LRRC71: variants seen among roughly 807,000 people sequenced by gnomAD.
LRRC71 encodes leucine rich repeat containing 71.
A neutral mutation model predicts 66.6 loss-of-function variants in LRRC71; 54 were observed. The observed-to-expected ratio is 0.81, with a 90% CI of 0.65 to 1.02. The LOEUF (loss-of-function observed/expected upper bound fraction) is 1.02. Ranked by LOEUF, LRRC71 falls within the 50% of genes least tolerant of loss-of-function variation. LRRC71 has a pLI of 0.00. For synonymous variants in LRRC71, 323 were observed against 303.9 expected (o/e 1.06, Z -0.65); for missense variants, 724 against 718.0 (o/e 1.01, Z -0.10).
downstream of LRRC71, chr1:156,936,007 C>T: frequency 6.2e-7 from 1 of 1,613,324 alleles, no homozygotes; most frequent in Non-Finnish European, 8.5e-7. Flanking sequence ...CGGTTATGGT[C>T]CTGGTGACGC....
intron 6 of LRRC71, 87 bp downstream of exon 6, chr1:156,927,357 A>G: frequency 1.3e-6 from 2 of 1,540,674 alleles, no homozygotes; most frequent in Non-Finnish European, 1.8e-6. Flanking sequence ...TTGTCCCCCT[A>G]CCATCTCGGC....
intron 5 of LRRC71, among the ~76,000 whole-genome samples, chr1:156,925,551 C>G (rs1444358485): frequency 6.6e-6 from 1 of 152,152 alleles, no homozygotes; most frequent in Non-Finnish European, 1.5e-5. Context: ...GGAGGTGGTA[C>G]TGAGCTGAAG....
chr1:156,928,120 C>T (rs1248400586), intron 9 of LRRC71, 116 bp downstream of exon 9: 2 of 1,003,028 alleles, frequency 2.0e-6, no homozygotes, highest in Non-Finnish European at 3.0e-6. Flanking sequence ...CACCCTCTGT[C>T]CTGACTGTCT....
At chr1:156,930,091 T>TTC (rs796962240) in intron 11 of LRRC71, among the ~76,000 whole-genome samples, 1,465 of 96,552 alleles carry the variant, frequency 0.015, 46 homozygotes, top group African/African-American at 0.06. Context: ...CTTTCTTTCT[T>TTC]TCTCTCTCTT....
downstream of LRRC71, chr1:156,936,163 T>C (rs1404234192): frequency 8.5e-7 from 1 of 1,170,944 alleles, no homozygotes; most frequent in South Asian, 1.2e-5. Flanking sequence ...CTTCATCACC[T>C]TCCTTCTCCT....
intron 9 of LRRC71, among the ~76,000 whole-genome samples, chr1:156,928,363 C>CTCTCCTTCTTCTTCTTCT (rs1653593934): frequency 1.0e-5 from 1 of 98,784 alleles, no homozygotes; most frequent in African/African-American, 5.3e-5. Context: ...CTTCTTCTTC[C>CTCTCCTTCTTCTTCTTCT]TCTTCTTCTT....
downstream of LRRC71, chr1:156,935,600 T>C (rs769603485): frequency 4.0e-5 from 7 of 174,852 alleles, no homozygotes; most frequent in Non-Finnish European, 7.2e-5. Context: ...TGGGGTCTTA[T>C]GGAGAAAGAG....
rs377202906 is a variant in LRRC71, at chr1:156,929,429, G to C, written c.1146G>C (p.Trp382Cys). ...TGGGCAAGAAAAAGGAGAAATCATG[G>C]GTAGGTGTGCAATGGGACAGATCCT... ...KGLGKKKEKS[W>C]ELAKKEEKLG... The change falls in exon 10 of 15, where the codon TGG becomes TGC. Residue 382 changes from tryptophan (W) to cysteine (C), a missense_variant and splice_region_variant. Transcript: ENST00000337428. 1 of 1,613,704 alleles carries C rather than the reference G, an allele frequency of 6.2e-7. No individual in the cohort carries two copies. The highest frequency in any genetic ancestry group is 1.3e-5 in the African/African-American group (1 of 74,904).
At chr1:156,939,873 C>T in the LRRC71 span, 1 of 1,609,310 alleles carries the variant, frequency 6.2e-7, no homozygotes, top group East Asian at 2.2e-5. Flanking sequence ...TGTGACCTGG[C>T]AGCAGGCTCC....
At chr1:156,937,287 T>C (rs1235441681), downstream of LRRC71, 2 of 1,613,876 alleles carry the variant, frequency 1.2e-6, no homozygotes, top group South Asian at 2.2e-5. Flanking sequence ...TGCTCAATGG[T>C]ATGGAAGATC....
At chr1:156,921,343 G>GC (rs1478940793) in intron 1 of LRRC71, among the ~76,000 whole-genome samples, 1 of 152,200 alleles carries the variant, frequency 6.6e-6, no homozygotes, top group Non-Finnish European at 1.5e-5. Context: ...ACACAGTCCT[G>GC]CCCCCATGGG....
At chr1:156,939,001 C>T in the LRRC71 span, 1 of 183,220 alleles carries the variant, frequency 5.5e-6, no homozygotes, top group Non-Finnish European at 1.1e-5. Context: ...TGTTTCCCAA[C>T]CCGGGGTGCC....
Position 156,930,680 on chromosome 1 carries a change from CGTCTCACCCCAGCCCCTCCTGGAATGTG to C in LRRC71, c.1329+69_1329+96del, listed in dbSNP as rs573024053. 199 of 1,431,770 alleles carry C rather than the reference CGTCTCACCCCAGCCCCTCCTGGAATGTG, an allele frequency of 1.4e-4. No individual in the cohort carries two copies. In the African/African-American group the frequency reaches 2.5e-3, roughly 18 times the overall value. The allele number at this position is 1,431,770 out of a possible 1,614,324, so 88.7% of individuals were successfully genotyped here. A position where few individuals can be genotyped will look rare whatever the true frequency, so the allele number is the denominator to read the frequency against. On this transcript the variant is annotated intron_variant, in intron 12 of 14. Transcript: ENST00000337428. ...CCTGGGATTCCAGGCTTGCCTGAGA[CGTCTCACCCCAGCCCCTCCTGGAATGTG>C]GTCTCCAGCCCCATGCTGTGGCAGC...
intron 1 of LRRC71, 68 bp from the exon 2 acceptor site, chr1:156,923,881 C>T: frequency 7.1e-7 from 1 of 1,405,460 alleles, no homozygotes; most frequent in East Asian, 2.8e-5. Flanking sequence ...CCTCCGCCCG[C>T]GCGGGAGAGC....
downstream of LRRC71, chr1:156,937,255 C>G: frequency 6.2e-7 from 1 of 1,613,820 alleles, no homozygotes; most frequent in Non-Finnish European, 8.5e-7. Flanking sequence ...TCACCTTGAG[C>G]CTGTTGAGCT....
chr1:156,928,363 C>CT lies in LRRC71; in HGVS notation c.996+360dup, dbSNP rs1653584959. On this transcript the variant is annotated intron_variant, in intron 9 of 14. Coordinates refer to ENST00000337428, the MANE Select transcript of LRRC71 (RefSeq NM_144702.3). ...TTCTTCTTTCTTTCTCTTCTTCTTC[C>CT]TCTTCTTCTTCTTCTTCTTCTTCTT... 4.3e-3 allele frequency among the ~76,000 whole-genome samples: 420 copies of CT among 98,808 alleles called. 7 individuals are homozygous for CT. Among genetic ancestry groups the CT allele is most frequent in the African/African-American group, 0.021 (398 of 18,758 alleles). 64.8% of individuals were successfully genotyped at this position (98,808 alleles called of 152,430 possible).
At chr1:156,929,801 G>A (rs1020906418) in intron 11 of LRRC71, 72 bp downstream of exon 11, 22 of 1,293,014 alleles carry the variant, frequency 1.7e-5, no homozygotes, top group Non-Finnish European at 1.3e-5. Flanking sequence ...GGTGCAGGAA[G>A]CTGTTCTGGG....
rs1653911272 is a variant in LRRC71, at chr1:156,929,327, T to A, written c.1044T>A (p.Ser348Arg). 1.2e-6 allele frequency: 2 copies of A among 1,611,480 alleles called. No homozygotes were observed. Among genetic ancestry groups the A allele is most frequent in the Middle Eastern group, 1.7e-4 (1 of 6,060 alleles). ...HGDSKTDREK[S>R]QMVGISNSAL... ...ACTCCAAAACGGACCGTGAGAAGAG[T>A]CAGATGGTAGGGATCAGCAATAGTG... The change falls in exon 10 of 15, where the codon AGT (serine) becomes AGA (arginine). Residue 348 changes from serine to arginine, a missense_variant. Transcript: ENST00000337428.
chr1:156,923,612 G>A (rs1652717944), intron 1 of LRRC71, among the ~76,000 whole-genome samples: 1 of 152,200 alleles, frequency 6.6e-6, no homozygotes, highest in Admixed American at 6.5e-5. Flanking sequence ...CTTGTGAGGA[G>A]GAGGCTGGGC....
Sources: allele counts gnomAD v4.1 joint callset (sites outside exome capture counted in the v4.1 genomes callset), GRCh38; gene constraint gnomAD v4.1.1; transcripts MANE v1.5; gene names NCBI Gene and HGNC (gene_info 2026-07-23, HGNC 2026-07-21).